Variants in CSMD1 observed in about 807,000 individuals in gnomAD.
CSMD1 encodes the protein CUB and sushi domain-containing protein 1.
CSMD1 carries 213 observed loss-of-function variants against 417.5 expected under a neutral mutation model. The observed-to-expected ratio is 0.51, with a 90% CI of 0.46 to 0.57. The LOEUF (loss-of-function observed/expected upper bound fraction) is 0.57. Ranked by LOEUF, CSMD1 falls within the 20% of genes least tolerant of loss-of-function variation. The probability of loss-of-function intolerance (pLI) is 0.00; values close to 1 mark genes in which losing one functional copy is unlikely to be tolerated. For synonymous variants in CSMD1, 2,862 were observed against 1,736.8 expected (o/e 1.65, Z -16.11); for missense variants, 6,923 against 4,529.7 (o/e 1.53, Z -15.17).
intron 1 of CSMD1, among the ~76,000 whole-genome samples, chr8:4,698,833 A>C (rs1426571969): frequency 6.6e-6 from 1 of 151,980 alleles, no homozygotes; most frequent in African/African-American, 2.4e-5. Flanking sequence ...TCAACCAGGA[A>C]AATCCTAACC....
intron 3 of CSMD1, among the ~76,000 whole-genome samples, chr8:4,055,177 C>T (rs1056022683): frequency 1.5e-4 from 23 of 152,166 alleles, no homozygotes; most frequent in African/African-American, 5.1e-4. Flanking sequence ...TTCTCATACG[C>T]AGTCAAGTTA....
chr8:2,948,431 A>G (rs1802401510), intron 68 of CSMD1, among the ~76,000 whole-genome samples: 1 of 152,132 alleles, frequency 6.6e-6, no homozygotes, highest in South Asian at 2.1e-4. Flanking sequence ...CAAAAATCAA[A>G]TAGTACAGAA....
intron 4 of CSMD1, among the ~76,000 whole-genome samples, chr8:4,021,300 T>G (rs1796777437): frequency 6.6e-6 from 1 of 152,220 alleles, no homozygotes; most frequent in Admixed American, 6.5e-5. Flanking sequence ...TTTGGAAGTA[T>G]GAGGTTGACA....
In CSMD1 at chr8:4,032,185, G is replaced by C. The variant is rs185212158; in HGVS notation, c.416-86C>G. 102 of 928,754 alleles carry C rather than the reference G, an allele frequency of 1.1e-4. No individual in the cohort carries two copies. In the East Asian group the frequency reaches 2.1e-3, roughly 19 times the overall value. 57.5% of individuals were successfully genotyped at this position (928,754 alleles called of 1,614,324 possible). A position where few individuals can be genotyped will look rare whatever the true frequency, so the allele number is the denominator to read the frequency against. ...ATAAGATAAAACAGACACCATTTTTGAATTATTAAAATGAGAAAACCTCTA... is the reference window on the plus strand; with the variant it reads ...ATAAGATAAAACAGACACCATTTTTCAATTATTAAAATGAGAAAACCTCTA... On this transcript the variant is annotated intron_variant, in intron 3 of 69. Coordinates refer to ENST00000635120, the MANE Select transcript of CSMD1 (RefSeq NM_033225.6).
chr8:4,119,986 G>T (rs1164736209), intron 3 of CSMD1, among the ~76,000 whole-genome samples: 1 of 151,990 alleles, frequency 6.6e-6, no homozygotes, highest in African/African-American at 2.4e-5. Context: ...ATAAGACCTA[G>T]TATTTGATAG....
rs574302761 is a variant in CSMD1, at chr8:4,471,741, G to A, written c.303-51676C>T. Among the ~76,000 whole-genome samples the A allele has an allele frequency of 9.9e-4, 113 of 114,368 alleles. 1 individual carries two copies. Among genetic ancestry groups the A allele is most frequent in the African/African-American group, 2.6e-3 (103 of 39,126 alleles). 75.0% of individuals were successfully genotyped at this position (114,368 alleles called of 152,430 possible). A position where few individuals can be genotyped will look rare whatever the true frequency, so the allele number is the denominator to read the frequency against. Reference sequence around the variant, plus strand: ...AAATGCAGCAAACACGCGGAGAAAAGAAGTTAGACCCATTTCTTTAGCGTC... The same window carrying A: ...AAATGCAGCAAACACGCGGAGAAAAAAAGTTAGACCCATTTCTTTAGCGTC... On this transcript the variant is annotated intron_variant, in intron 2 of 69. Coordinates refer to ENST00000635120, the MANE Select transcript of CSMD1 (RefSeq NM_033225.6).
At position 4,068,833 on chromosome 8, in the gene CSMD1, G is replaced by T. The variant is rs370708416; in HGVS notation, c.416-36734C>A. On this transcript the variant is annotated intron_variant, in intron 3 of 69. Transcript: ENST00000635120. ...AATTCATGGTATCAGTGACATTCAT[G>T]TACTGTATCAAAATGCAGCTCCACC... is the stretch of plus-strand genomic sequence containing the variant. 1.4e-4 allele frequency among the ~76,000 whole-genome samples: 22 copies of T among 152,236 alleles called. No homozygotes were observed. In the East Asian group the frequency reaches 3.5e-3, roughly 24 times the overall value.
chr8:3,799,823 T>TA (rs1220981145), intron 5 of CSMD1, among the ~76,000 whole-genome samples: 1 of 152,152 alleles, frequency 6.6e-6, no homozygotes, highest in Non-Finnish European at 1.5e-5. Context: ...ATCTCTAATC[T>TA]AAATGGACAT....
At chr8:3,747,890 C>A (rs754542404) in intron 6 of CSMD1, among the ~76,000 whole-genome samples, 1 of 152,026 alleles carries the variant, frequency 6.6e-6, no homozygotes, top group Non-Finnish European at 1.5e-5. Flanking sequence ...TGAGGAAGGT[C>A]CTCAGTGTGG....
chr8:4,246,661 A>T (rs1802730915), intron 3 of CSMD1, among the ~76,000 whole-genome samples: 1 of 152,330 alleles, frequency 6.6e-6, no homozygotes, highest in South Asian at 2.1e-4. Context: ...CAAGCAAAAG[A>T]AACAAAAAAC....
intron 53 of CSMD1, among the ~76,000 whole-genome samples, chr8:2,998,984 T>C (rs865829172): frequency 2.6e-5 from 4 of 152,212 alleles, no homozygotes; most frequent in African/African-American, 4.8e-5. Context: ...GTCTACTTCA[T>C]AGGAAAATAT....
intron 5 of CSMD1, among the ~76,000 whole-genome samples, chr8:3,903,008 T>A (rs1340245021): frequency 6.6e-6 from 1 of 152,188 alleles, no homozygotes; most frequent in African/African-American, 2.4e-5. Context: ...AGTCTTACGA[T>A]GAATGCACGT....
intron 1 of CSMD1, among the ~76,000 whole-genome samples, chr8:4,963,903 A>T (rs1299908097): frequency 6.6e-6 from 1 of 152,138 alleles, no homozygotes; most frequent in Non-Finnish European, 1.5e-5. Context: ...CCTATCAAAT[A>T]TTTTATACAC....
At chr8:4,559,409 G>C (rs1471670903) in intron 2 of CSMD1, among the ~76,000 whole-genome samples, 1 of 152,024 alleles carries the variant, frequency 6.6e-6, no homozygotes. Context: ...CAAATACACT[G>C]AACCATGGCA....
chr8:3,599,176 T>TGA (rs33913918), intron 8 of CSMD1, among the ~76,000 whole-genome samples: 14,528 of 150,976 alleles, frequency 0.096, 801 homozygotes, highest in East Asian at 0.17. Context: ...TGTGTGTGTG[T>TGA]GTGTGAGATG....
chr8:4,253,285 G>T (rs553957987), intron 3 of CSMD1, among the ~76,000 whole-genome samples: 2 of 152,242 alleles, frequency 1.3e-5, no homozygotes, highest in East Asian at 3.9e-4. Context: ...GGCTAAATTA[G>T]ACATTCTCTC....
At chr8:3,256,372 G>A (rs1489264729) in intron 26 of CSMD1, among the ~76,000 whole-genome samples, 2 of 151,522 alleles carry the variant, frequency 1.3e-5, no homozygotes, top group East Asian at 3.9e-4. Flanking sequence ...CACAACTGTT[G>A]TAACAATGGC....
At chr8:4,262,124 A>G (rs1803929378) in intron 3 of CSMD1, among the ~76,000 whole-genome samples, 2 of 152,098 alleles carry the variant, frequency 1.3e-5, no homozygotes, top group South Asian at 4.2e-4. Context: ...CCTATAGAGA[A>G]TTGTTAGAGT....
chr8:3,546,132 T>C (rs1028899079), intron 10 of CSMD1, among the ~76,000 whole-genome samples: 1 of 152,154 alleles, frequency 6.6e-6, no homozygotes. Flanking sequence ...TGTGCATAGG[T>C]GTCTCAACTA....
Sources: allele counts gnomAD v4.1 joint callset (sites outside exome capture counted in the v4.1 genomes callset), GRCh38; gene constraint gnomAD v4.1.1; transcripts MANE v1.5; gene names NCBI Gene and HGNC (gene_info 2026-07-23, HGNC 2026-07-21).